ANOS1: variants seen among roughly 807,000 people sequenced by gnomAD.
ANOS1 encodes the protein anosmin-1.
ANOS1 carries 6 observed loss-of-function variants against 59.0 expected under a neutral mutation model. That is an observed-to-expected ratio of 0.10 (90% CI 0.06 to 0.20). ANOS1 has a LOEUF of 0.20. Among genes scored for constraint, ANOS1 ranks in the 10% least tolerant of loss-of-function variants. The probability of loss-of-function intolerance (pLI) is 1.00; values close to 1 mark genes in which losing one functional copy is unlikely to be tolerated. For missense variants in ANOS1, 433 were observed against 542.3 expected (o/e 0.80, Z 2.00); for synonymous variants, 217 against 223.4 (o/e 0.97, Z 0.25).
chrX:8,574,876 C>T (rs779904953), intron 6 of ANOS1, among the ~76,000 whole-genome samples: 40 of 111,421 alleles, frequency 3.6e-4, no homozygotes, highest in Non-Finnish European at 6.4e-4. Flanking sequence ...TCTAGAGAAC[C>T]GTGACTAATA....
At chrX:8,581,040 C>G (rs1294531317) in intron 6 of ANOS1, among the ~76,000 whole-genome samples, 1 of 111,530 alleles carries the variant, frequency 9.0e-6, no homozygotes, top group Non-Finnish European at 1.9e-5. Context: ...TTTTGAAACA[C>G]CACGGTCATT....
chrX:8,618,799 C>T (rs943836005), intron 3 of ANOS1, among the ~76,000 whole-genome samples: 8 of 111,066 alleles, frequency 7.2e-5, no homozygotes, highest in Non-Finnish European at 1.1e-4. Flanking sequence ...AGGCCGGGTA[C>T]GGTGGCTCAC....
chrX:8,659,607 TTCCTTCCTTCCTTCCTTCCTTCC>T (rs1932000380), intron 2 of ANOS1, among the ~76,000 whole-genome samples: 5 of 96,899 alleles, frequency 5.2e-5, no homozygotes, highest in Admixed American at 1.2e-4. Flanking sequence ...CCTTCCTTCC[TTCCTTCCTTCCTTCCTTCCTTCC>T]TTCTTTCTTT....
intron 2 of ANOS1, among the ~76,000 whole-genome samples, chrX:8,654,822 C>A (rs1045728191): frequency 8.9e-6 from 1 of 111,775 alleles, no homozygotes; most frequent in African/African-American, 3.3e-5. Flanking sequence ...TTGTACAGCC[C>A]CATGGTGATA....
chrX:8,646,932 CAAA>C (rs775821235), intron 2 of ANOS1, among the ~76,000 whole-genome samples: 10 of 51,851 alleles, frequency 1.9e-4, no homozygotes, highest in Admixed American at 2.4e-4. Flanking sequence ...GAACCTGTCT[CAAA>C]AAAAAAAAAA....
intron 11 of ANOS1, among the ~76,000 whole-genome samples, chrX:8,536,216 T>A (rs943900099): frequency 6.4e-5 from 5 of 77,793 alleles, no homozygotes; most frequent in East Asian, 3.5e-4. Flanking sequence ...TTTTTTTTTT[T>A]AAAAGGTGAG....
At chrX:8,701,589 TTATC>T (rs1374917066) in intron 1 of ANOS1, among the ~76,000 whole-genome samples, 1 of 112,307 alleles carries the variant, frequency 8.9e-6, no homozygotes, top group East Asian at 2.8e-4. Flanking sequence ...GCTTCTGTCT[TTATC>T]TATTTGCCTA....
At chrX:8,722,576 C>T (rs6638858) in intron 1 of ANOS1, among the ~76,000 whole-genome samples, 46,444 of 100,726 alleles carry the variant, frequency 0.46, 7,239 homozygotes, top group East Asian at 0.61. Context: ...TATGTGTGTA[C>T]ACACACACAC....
chrX:8,580,600 T>A (rs1283660531), intron 6 of ANOS1, among the ~76,000 whole-genome samples: 2 of 111,782 alleles, frequency 1.8e-5, no homozygotes, highest in Non-Finnish European at 3.8e-5. Context: ...GTCAATCCAT[T>A]TTGCCAAACA....
intron 8 of ANOS1, among the ~76,000 whole-genome samples, chrX:8,563,212 T>C (rs1930059610): frequency 8.9e-6 from 1 of 112,383 alleles, no homozygotes; most frequent in Admixed American, 9.5e-5. Flanking sequence ...TTTATTCCTT[T>C]TCTAATCTAT....
intron 4 of ANOS1, among the ~76,000 whole-genome samples, chrX:8,595,363 T>C (rs1260699305): frequency 9.0e-6 from 1 of 111,395 alleles, no homozygotes; most frequent in South Asian, 3.8e-4. Flanking sequence ...AAACATCACT[T>C]GGTAAGAAGA....
chrX:8,720,602 G>A (rs1318890098), intron 1 of ANOS1, among the ~76,000 whole-genome samples: 1 of 111,483 alleles, frequency 9.0e-6, no homozygotes, highest in Non-Finnish European at 1.9e-5. Flanking sequence ...CTTCTCTCCA[G>A]TAGAAAATAA....
intron 5 of ANOS1, among the ~76,000 whole-genome samples, chrX:8,587,133 T>G (rs12393624): frequency 0.081 from 7,336 of 90,617 alleles, 255 homozygotes; most frequent in Admixed American, 0.16. Flanking sequence ...TGTGTGTGTG[T>G]GGGGGGGTGG....
At chrX:8,707,093 G>A (rs780573870) in intron 1 of ANOS1, among the ~76,000 whole-genome samples, 3 of 111,437 alleles carry the variant, frequency 2.7e-5, no homozygotes, top group Non-Finnish European at 5.6e-5. Flanking sequence ...CAGTGGACAA[G>A]TGCAAATTAT....
chrX:8,703,190 C>T (rs1932765153), intron 1 of ANOS1, among the ~76,000 whole-genome samples: 1 of 111,994 alleles, frequency 8.9e-6, no homozygotes, highest in Admixed American at 9.5e-5. Flanking sequence ...TCCATGTTTC[C>T]TCTTTACCTG....
intron 8 of ANOS1, among the ~76,000 whole-genome samples, chrX:8,564,850 G>T (rs926878849): frequency 8.9e-6 from 1 of 111,763 alleles, no homozygotes; most frequent in Non-Finnish European, 1.9e-5. Context: ...GAACCGCATG[G>T]CTTACTGAGA....
intron 2 of ANOS1, among the ~76,000 whole-genome samples, chrX:8,693,078 A>T (rs749040513): frequency 1.0e-3 from 114 of 112,619 alleles, no homozygotes; most frequent in African/African-American, 3.5e-3. Context: ...CATCTTGCCC[A>T]TGAATTTGAA....
intron 8 of ANOS1, chrX:8,565,824 T>C (rs1569049941): frequency 7.3e-6 from 1 of 137,559 alleles, no homozygotes; most frequent in Non-Finnish European, 1.3e-5. Flanking sequence ...GAACGTTTTA[T>C]TTGAAATATC....
rs1438676963 is a variant in ANOS1 at position 8,628,893 on chromosome X, C to T, written c.256-5223G>A. ...CATAGAAACTTTACAGATTACAGAC[C>T]ACTTTTAAAACTATTTGTCTAGTGG... On this transcript the variant is annotated intron_variant, in intron 2 of 13. Coordinates refer to ENST00000262648, the MANE Select transcript of ANOS1 (RefSeq NM_000216.4). 7.2e-5 allele frequency among the ~76,000 whole-genome samples: 8 copies of T among 111,528 alleles called. No individual in the cohort carries two copies. The Admixed American group carries it at 7.6e-4, about 11-fold the overall frequency.
Sources: allele counts gnomAD v4.1 joint callset (sites outside exome capture counted in the v4.1 genomes callset), GRCh38; gene constraint gnomAD v4.1.1; transcripts MANE v1.5; gene names NCBI Gene and HGNC (gene_info 2026-07-23, HGNC 2026-07-21).